EIF4B: variants seen among roughly 807,000 people sequenced by gnomAD.
EIF4B encodes the protein eukaryotic translation initiation factor 4B.
Under a neutral mutation model 79.3 loss-of-function variants are expected in EIF4B, and 8 were observed. That is an observed-to-expected ratio of 0.10 (90% CI 0.06 to 0.18). The LOEUF (loss-of-function observed/expected upper bound fraction) is 0.18, where lower values mean the gene tolerates loss of function less well. Ranked by LOEUF, EIF4B falls within the 10% of genes least tolerant of loss-of-function variation. The pLI is 1.00. For synonymous variants in EIF4B, 238 were observed against 274.7 expected (o/e 0.87, Z 1.32); for missense variants, 515 against 792.4 (o/e 0.65, Z 4.20).
chr12:53,012,686 A>G (rs1172336710), intron 1 of EIF4B, among the ~76,000 whole-genome samples: 1 of 150,100 alleles, frequency 6.7e-6, no homozygotes, highest in East Asian at 2.0e-4. Flanking sequence ...GCTCACTGCA[A>G]GCTCCGCCTC....
chr12:53,025,920 A>G lies in EIF4B; in HGVS notation c.668-1862A>G, dbSNP rs1943326062. 2.0e-5 allele frequency among the ~76,000 whole-genome samples: 3 copies of G among 152,236 alleles called. No individual in the cohort carries two copies. The South Asian group carries it at 6.2e-4, about 32-fold the overall frequency. ...CAGGAGATTGAGACCATCCTGGCTAACACGGTGAAACCCTGTCCCTACTAA... is the reference window on the plus strand; with the variant it reads ...CAGGAGATTGAGACCATCCTGGCTAGCACGGTGAAACCCTGTCCCTACTAA... On this transcript the variant is annotated intron_variant, in intron 6 of 14. Transcript: ENST00000262056.
Position 53,035,367 on chromosome 12 carries a change from A to AT in EIF4B, c.1306+661dup, listed in dbSNP as rs1411041174. ...CTACACCCAGCTAAATTTTTTATTT[A>AT]TTTATTTTCTTTTTTTTTTGAGACC... On this transcript the variant is annotated intron_variant, in intron 10 of 14. Transcript: ENST00000262056. Among the ~76,000 whole-genome samples, 366 of 147,062 alleles carry AT rather than the reference A, an allele frequency of 2.5e-3. 2 individuals are homozygous for AT. Among genetic ancestry groups the AT allele is most frequent in the South Asian group, 0.013 (60 of 4,596 alleles).
chr12:53,021,712 C>T (rs1032956217), intron 4 of EIF4B, 94 bp from the exon 5 acceptor site: 2 of 1,392,766 alleles, frequency 1.4e-6, no homozygotes, highest in Non-Finnish European at 2.0e-6. Flanking sequence ...CTTCCTTCCC[C>T]TAGTGCTTCT....
At chr12:53,024,683 GTC>G (rs773207026) in intron 6 of EIF4B, among the ~76,000 whole-genome samples, 1 of 151,992 alleles carries the variant, frequency 6.6e-6, no homozygotes, top group Non-Finnish European at 1.5e-5. Context: ...TTTTGACACA[GTC>G]TCTCTGTGTT....
intron 1 of EIF4B, chr12:53,012,120 C>T (rs1943074311): frequency 6.6e-6 from 1 of 152,198 alleles, no homozygotes; most frequent in African/African-American, 2.4e-5. Flanking sequence ...CAAACACGGG[C>T]ACCTACTTTA....
chr12:53,027,827 G>C lies in EIF4B; in HGVS notation c.713G>C (p.Arg238Pro). 1 of 1,612,328 alleles carries C rather than the reference G, an allele frequency of 6.2e-7. No homozygotes were observed. The highest frequency in any genetic ancestry group is 8.5e-7 in the Non-Finnish European group (1 of 1,179,316). ...TCAGACCGGTATCGGGATGGGTATC[G>C]GGATGGGTATCGGGATGGCCCACGC... The part of the protein sequence containing the change: ...YDSDRYRDGY[R>P]DGYRDGPRRD... Residue 238 changes from arginine to proline, a missense_variant, in exon 7 of 15, where the codon CGG becomes CCG. By Grantham distance (103) the Arg-to-Pro change is moderately radical (BLOSUM62 -2). Coordinates refer to ENST00000262056, the MANE Select transcript of EIF4B (RefSeq NM_001417.7).
At chr12:53,036,088 A>AT (rs1228018028) in intron 10 of EIF4B, among the ~76,000 whole-genome samples, 3 of 104,932 alleles carry the variant, frequency 2.9e-5, no homozygotes, top group South Asian at 3.2e-4. Flanking sequence ...CTGGCCTTCT[A>AT]TTTTTTTTAT....
In EIF4B at chr12:53,018,827, G is replaced by T; in HGVS notation, c.181G>T (p.Asp61Tyr). Residue 61 changes from aspartate (D) to tyrosine (Y), a missense_variant, in exon 3 of 15, where the codon GAT (aspartate) becomes TAT (tyrosine). By Grantham distance (160) the Asp-to-Tyr change is radical (BLOSUM62 -3). Transcript: ENST00000262056. ...VSTTWHSNDD[D>Y]VYRAPPIDRS... ...GACCACTTGGCACAGTAACGATGAC[G>T]ATGTGTATAGGGCGCCTCCAATTGA... 6.2e-7 allele frequency: 1 copy of T among 1,613,122 alleles called. No homozygotes were observed. The highest frequency in any genetic ancestry group is 8.5e-7 in the Non-Finnish European group (1 of 1,179,842).
intron 1 of EIF4B, among the ~76,000 whole-genome samples, chr12:53,010,673 G>A (rs1943049293): frequency 6.6e-6 from 1 of 152,154 alleles, no homozygotes; most frequent in South Asian, 2.1e-4. Context: ...TTTTGAGACA[G>A]AGTCTCACTA....
chr12:53,017,658 C>T (rs748854038), intron 2 of EIF4B, among the ~76,000 whole-genome samples: 2 of 152,128 alleles, frequency 1.3e-5, no homozygotes, highest in Non-Finnish European at 2.9e-5. Context: ...AAGTGGCGCA[C>T]TCTCTGCTCA....
At chr12:53,028,817 A>C (rs1943384656) in intron 8 of EIF4B, among the ~76,000 whole-genome samples, 1 of 152,114 alleles carries the variant, frequency 6.6e-6, no homozygotes, top group Non-Finnish European at 1.5e-5. Flanking sequence ...CATAATTGGT[A>C]CTATGGGGTT....
At chr12:53,034,740 T>C (rs1943508433) in intron 10 of EIF4B, 31 bp downstream of exon 10, 8 of 1,613,232 alleles carry the variant, frequency 5.0e-6, no homozygotes, top group Non-Finnish European at 6.8e-6. Flanking sequence ...TATCGTGTTA[T>C]TGCCGTTTTC....
chr12:53,035,033 T>G (rs1471172730), intron 10 of EIF4B, among the ~76,000 whole-genome samples: 2 of 147,804 alleles, frequency 1.4e-5, no homozygotes. Context: ...TTCAGAACAG[T>G]CAACGGCTTG....
At chr12:53,039,376 A>C (rs1429962827) in intron 13 of EIF4B, 33 bp downstream of exon 13, 5 of 1,498,828 alleles carry the variant, frequency 3.3e-6, no homozygotes, top group Non-Finnish European at 4.6e-6. Context: ...CTTTCCTCTG[A>C]TCCACATGTT....
chr12:53,032,453 C>A (rs1943463044), intron 8 of EIF4B, among the ~76,000 whole-genome samples: 1 of 152,082 alleles, frequency 6.6e-6, no homozygotes, highest in Admixed American at 6.6e-5. Context: ...GAACTAGAAT[C>A]TTCCCTATCA....
chr12:53,027,637 A>G, intron 6 of EIF4B, 145 bp from the exon 7 acceptor site: 2 of 1,392,744 alleles, frequency 1.4e-6, no homozygotes, highest in South Asian at 1.6e-5. Flanking sequence ...GCTGAGCAAC[A>G]ATTATTTCAC....
In EIF4B at chr12:53,037,334, C is replaced by G. The variant is rs1349595047; in HGVS notation, c.1307-75C>G. 6.6e-6 allele frequency: 10 copies of G among 1,505,686 alleles called. 1 individual carries two copies. Among genetic ancestry groups the G allele is most frequent in the Non-Finnish European group, 9.0e-6 (10 of 1,115,150 alleles). 93.3% of individuals were successfully genotyped at this position (1,505,686 alleles called of 1,614,324 possible). A position where few individuals can be genotyped will look rare whatever the true frequency, so the allele number is the denominator to read the frequency against. ...CAAAACTTGGATGTGGACCATTTTC[C>G]ACACTGTTGAGATCCTGGTAGATGC... On this transcript the variant is annotated intron_variant, in intron 10 of 14. Coordinates refer to ENST00000262056, the MANE Select transcript of EIF4B (RefSeq NM_001417.7).
At chr12:53,028,566 A>G (rs575395710) in intron 8 of EIF4B, among the ~76,000 whole-genome samples, 1 of 152,040 alleles carries the variant, frequency 6.6e-6, no homozygotes, top group Admixed American at 6.6e-5. Context: ...CAAAAAAAAA[A>G]AAAAAGCATT....
chr12:53,008,840 A>G (rs1943013461), intron 1 of EIF4B, among the ~76,000 whole-genome samples: 1 of 151,924 alleles, frequency 6.6e-6, no homozygotes, highest in South Asian at 2.1e-4. Context: ...TTGGAGACCA[A>G]CCTGACCAAC....
Sources: allele counts gnomAD v4.1 joint callset (sites outside exome capture counted in the v4.1 genomes callset), GRCh38; gene constraint gnomAD v4.1.1; transcripts MANE v1.5; gene names NCBI Gene and HGNC (gene_info 2026-07-23, HGNC 2026-07-21).